The following LRRC4B variants were observed in gnomAD, a reference collection of about 807,000 sequenced individuals.
The protein encoded by LRRC4B is leucine-rich repeat-containing protein 4B.
A neutral mutation model predicts 7.3 loss-of-function variants in LRRC4B; 1 was observed. That is an observed-to-expected ratio of 0.14 (90% confidence interval 0.05 to 0.65). The LOEUF is 0.65. LRRC4B is among the 30% of genes least tolerant of loss of function. LRRC4B has a pLI of 0.84. For missense variants in LRRC4B, 730 were observed against 1,041.6 expected (o/e 0.70, Z 4.12); for synonymous variants, 500 against 499.2 (o/e 1.00, Z -0.02).
chr19:50,541,860 G>C (rs1981564860), intron 2 of LRRC4B, among the ~76,000 whole-genome samples: 2 of 152,072 alleles, frequency 1.3e-5, no homozygotes, highest in Non-Finnish European at 2.9e-5. Context: ...AGAAGCCTCC[G>C]GGACGTCCAG....
In LRRC4B at chr19:50,548,215, G is replaced by C. The variant is rs1417126111; in HGVS notation, c.297+327C>G. On this transcript the variant is annotated intron_variant, in intron 2 of 2. Coordinates refer to ENST00000652263, the MANE Select transcript of LRRC4B (RefSeq NM_001080457.2). The surrounding 1 kb of genome is among the most constrained non-coding windows in gnomAD (Gnocchi z 6.8). ...GATGCCACAGGGGTCCCTGTGAAAG[G>C]GTTGCTCTCCACACCCCAGGGACTC... 6.6e-6 allele frequency among the ~76,000 whole-genome samples: 1 copy of C among 152,220 alleles called. No homozygotes were observed. Among genetic ancestry groups the C allele is most frequent in the Non-Finnish European group, 1.5e-5 (1 of 68,026 alleles).
chr19:50,561,431 A>G (rs575444687), intron 1 of LRRC4B, among the ~76,000 whole-genome samples: 7 of 152,086 alleles, frequency 4.6e-5, no homozygotes, highest in Non-Finnish European at 8.8e-5. Flanking sequence ...AGCAGCTTCA[A>G]TGCCTTCAAA....
intron 1 of LRRC4B, among the ~76,000 whole-genome samples, chr19:50,559,151 A>AG (rs1302147696): frequency 2.0e-5 from 3 of 152,070 alleles, no homozygotes; most frequent in Non-Finnish European, 4.4e-5. Flanking sequence ...AAAAGAAAAG[A>AG]GGGCCGGGGG....
At chr19:50,565,582 G>C (rs1982604044) in intron 1 of LRRC4B, among the ~76,000 whole-genome samples, 1 of 150,796 alleles carries the variant, frequency 6.6e-6, no homozygotes, top group Non-Finnish European at 1.5e-5. Flanking sequence ...GGGAATCTTT[G>C]CCTCCACGTG....
At chr19:50,533,379 A>G (rs1186433168) in intron 2 of LRRC4B, among the ~76,000 whole-genome samples, 1 of 152,286 alleles carries the variant, frequency 6.6e-6, no homozygotes, top group South Asian at 2.1e-4. Flanking sequence ...ATACCTAAAG[A>G]CCAAAGCCAG....
chr19:50,546,015 C>T (rs188807944), intron 2 of LRRC4B, among the ~76,000 whole-genome samples: 7 of 151,756 alleles, frequency 4.6e-5, no homozygotes, highest in South Asian at 2.1e-4. Context: ...TGAGTCACCG[C>T]GCCAGGCTAA....
intron 2 of LRRC4B, among the ~76,000 whole-genome samples, chr19:50,541,368 CAA>C (rs71332010): frequency 1.3e-4 from 10 of 74,986 alleles, no homozygotes; most frequent in Non-Finnish European, 1.2e-4. Flanking sequence ...GACTCTATCT[CAA>C]AAAAAAAAAA....
chr19:50,531,192 C>A (rs1981044407), intron 2 of LRRC4B, among the ~76,000 whole-genome samples: 1 of 152,270 alleles, frequency 6.6e-6, no homozygotes, highest in Non-Finnish European at 1.5e-5. Flanking sequence ...GCACCCCAGG[C>A]TCCTGCTGAC....
intron 1 of LRRC4B, among the ~76,000 whole-genome samples, chr19:50,567,584 C>T (rs1448039078): frequency 6.8e-6 from 1 of 146,486 alleles, no homozygotes; most frequent in Non-Finnish European, 1.5e-5. Flanking sequence ...ACTCCCGCCC[C>T]AGAAAGGGGG....
rs575299438 is a variant in LRRC4B at position 50,527,327 on chromosome 19, C to T, written c.298-7912G>A. Among the ~76,000 whole-genome samples, 76 of 149,550 alleles carry T rather than the reference C, an allele frequency of 5.1e-4. 1 individual carries two copies. In the South Asian group the frequency reaches 7.2e-3, roughly 14 times the overall value. On this transcript the variant is annotated intron_variant, in intron 2 of 2. Transcript: ENST00000652263. ...GATTACAGGCATGAGCCACCACGCC[C>T]GGCTGTTTTCTTTCTTTTTTCTTTT...
intron 1 of LRRC4B, among the ~76,000 whole-genome samples, chr19:50,566,559 G>A (rs1199765158): frequency 7.0e-6 from 1 of 143,650 alleles, no homozygotes; most frequent in Non-Finnish European, 1.6e-5. Context: ...AGATGGGGGT[G>A]CAGAGAGGAG....
chr19:50,527,776 C>G (rs1980884264), intron 2 of LRRC4B, among the ~76,000 whole-genome samples: 1 of 124,058 alleles, frequency 8.1e-6, no homozygotes, highest in African/African-American at 3.1e-5. Context: ...GAGTCTCGCT[C>G]TGTTGCCCAG....
rs554716735 is a variant in LRRC4B at position 50,538,332 on chromosome 19, G to T, written c.297+10210C>A. 7.2e-5 allele frequency among the ~76,000 whole-genome samples: 11 copies of T among 151,928 alleles called. No individual in the cohort carries two copies. The East Asian group carries it at 2.1e-3, about 30-fold the overall frequency. On this transcript the variant is annotated intron_variant, in intron 2 of 2. Transcript: ENST00000652263. ...ACCGCCTCGGCCTCCCGAAGTGGTG[G>T]GATTACAGGCGCGAGCCACCGCGCC...
At chr19:50,527,341 CTTTTTTCTT>C (rs929546445) in intron 2 of LRRC4B, among the ~76,000 whole-genome samples, 2 of 121,084 alleles carry the variant, frequency 1.7e-5, no homozygotes, top group African/African-American at 3.3e-5. Flanking sequence ...TGTTTTCTTT[CTTTTTTCTT>C]TTTTTTTTTT....
chr19:50,543,849 T>C (rs1291144165), intron 2 of LRRC4B, among the ~76,000 whole-genome samples: 3 of 86,804 alleles, frequency 3.5e-5, no homozygotes, highest in African/African-American at 1.1e-4. Context: ...TGAGCCTCCA[T>C]CTCAAAAAAA....
In LRRC4B at chr19:50,518,411, G is replaced by T; in HGVS notation, c.1302C>A (p.Tyr434Ter). The change falls in exon 3 of 3, where the codon TAC becomes TAA. Residue 434 changes from tyrosine (Y) to a stop codon, truncating the protein, a stop_gained. Coordinates refer to ENST00000652263, the MANE Select transcript of LRRC4B (RefSeq NM_001080457.2). LOFTEE classifies it low-confidence loss of function (END_TRUNC). ...CGGCTGAGTTCGTCACCATGCACGT[G>T]TACTGGCCCGTGTCCTGCACGGTGA... is the stretch of plus-strand genomic sequence containing the variant. Reference protein sequence around the residue: ...TNVTVQDTGQYTCMVTNSAGN... With the variant: ...TNVTVQDTGQ 1 of 1,571,190 alleles carries T rather than the reference G, an allele frequency of 6.4e-7. No individual in the cohort carries two copies. The highest frequency in any genetic ancestry group is 8.6e-7 in the Non-Finnish European group (1 of 1,161,136).
At position 50,548,755 on chromosome 19, in the gene LRRC4B, C is replaced by G; in HGVS notation, c.84G>C (p.Trp28Cys). The change falls in exon 2 of 3, where the codon TGG becomes TGC. Residue 28 changes from tryptophan (W) to cysteine (C), a missense_variant. Transcript: ENST00000652263. This position sits in a 1 kb window ranked among gnomAD's most constrained non-coding sequence, Gnocchi z 6.8. ...CGGCCCCCAGGGGTGGGGAGAAGAGCCAGAGGAAGAGCAATGCCCCGTGGG... is the reference window on the plus strand; with the variant it reads ...CGGCCCCCAGGGGTGGGGAGAAGAGGCAGAGGAAGAGCAATGCCCCGTGGG... ...SWPHGALLFL[W>C]LFSPPLGAGG... The G allele has an allele frequency of 6.5e-7, 1 of 1,539,576 alleles. No homozygotes were observed. Among genetic ancestry groups the G allele is most frequent in the Non-Finnish European group, 8.7e-7 (1 of 1,147,368 alleles).
intron 2 of LRRC4B, among the ~76,000 whole-genome samples, chr19:50,520,200 T>A (rs1464519735): frequency 9.2e-5 from 3 of 32,462 alleles, no homozygotes; most frequent in Admixed American, 4.8e-4. Flanking sequence ...AGTAATACCC[T>A]GTCAAAAAAA....
At chr19:50,520,348 G>A (rs973596753) in intron 2 of LRRC4B, among the ~76,000 whole-genome samples, 5 of 151,128 alleles carry the variant, frequency 3.3e-5, no homozygotes, top group South Asian at 2.1e-4. Flanking sequence ...TTTTGGGGAC[G>A]GCCAGGCATG....
Sources: gnomAD v4.1 joint callset for allele counts (sites outside exome capture counted in the v4.1 genomes callset) on GRCh38, gnomAD v4.1.1 for gene constraint, Gnocchi (gnomAD v3.1) non-coding constraint, MANE v1.5 for transcripts, NCBI Gene and HGNC (gene_info 2026-07-23, HGNC 2026-07-21) for gene names.